The following KANK1 variants were observed in gnomAD, a reference collection of about 807,000 sequenced individuals.
KANK1 encodes the protein KN motif and ankyrin repeat domain-containing protein 1.
KANK1 carries 109 observed loss-of-function variants against 106.2 expected under a neutral mutation model. The observed-to-expected ratio is 1.03, with a 90% confidence interval of 0.88 to 1.20. The LOEUF is 1.20. Ranked by LOEUF, KANK1 falls within the 50% of genes most tolerant of loss-of-function variation. KANK1 has a pLI of 0.00. For synonymous variants in KANK1, 873 were observed against 652.2 expected (o/e 1.34, Z -5.16); for missense variants, 2,399 against 1,710.7 (o/e 1.40, Z -7.10).
chr9:572,284 C>T (rs565651884), intron 1 of KANK1, among the ~76,000 whole-genome samples: 18 of 151,232 alleles, frequency 1.2e-4, no homozygotes, highest in African/African-American at 4.1e-4. Context: ...GCCTCTTGAA[C>T]AGCTAGGACT....
chr9:569,026 T>G (rs1206728262), intron 1 of KANK1, among the ~76,000 whole-genome samples: 1 of 152,126 alleles, frequency 6.6e-6, no homozygotes, highest in East Asian at 1.9e-4. Flanking sequence ...TCTACCCACC[T>G]GTAGAGGTTC....
At chr9:578,006 G>C (rs1206532785) in intron 1 of KANK1, among the ~76,000 whole-genome samples, 1 of 152,038 alleles carries the variant, frequency 6.6e-6, no homozygotes, top group African/African-American at 2.4e-5. Flanking sequence ...CCAGCTAGGA[G>C]GCCTCCTTTC....
chr9:714,684 CT>C (rs1375563072), intron 3 of KANK1, among the ~76,000 whole-genome samples: 5 of 152,090 alleles, frequency 3.3e-5, no homozygotes, highest in African/African-American at 1.2e-4. Flanking sequence ...TTTTGTCTGT[CT>C]TATTCTTTCT....
At chr9:519,543 T>A (rs1398116249) in intron 1 of KANK1, among the ~76,000 whole-genome samples, 1 of 151,920 alleles carries the variant, frequency 6.6e-6, no homozygotes. Context: ...CATCCTCAGA[T>A]CTTGGTAAGA....
intron 1 of KANK1, among the ~76,000 whole-genome samples, chr9:553,618 A>G (rs567474737): frequency 1.6e-4 from 25 of 152,316 alleles, no homozygotes; most frequent in African/African-American, 5.8e-4. Flanking sequence ...AATGTGAGCA[A>G]TGTAATGAAG....
At chr9:581,232 G>A (rs572855980) in intron 1 of KANK1, among the ~76,000 whole-genome samples, 23 of 152,318 alleles carry the variant, frequency 1.5e-4, no homozygotes, top group South Asian at 2.1e-4. Flanking sequence ...ACAGTGCAGC[G>A]GCGGGCTGAA....
intron 1 of KANK1, chr9:547,434 C>T (rs1461453924): frequency 1.4e-5 from 2 of 142,932 alleles, no homozygotes; most frequent in African/African-American, 4.9e-5. Context: ...AGAATGAAAA[C>T]GAGCTTGAGT....
At chr9:579,929 C>A (rs1821595260) in intron 1 of KANK1, among the ~76,000 whole-genome samples, 1 of 152,180 alleles carries the variant, frequency 6.6e-6, no homozygotes, top group East Asian at 1.9e-4. Flanking sequence ...CCCCATGAGG[C>A]TTCATGACTG....
chr9:507,304 A>G (rs916266413), intron 1 of KANK1, among the ~76,000 whole-genome samples: 6 of 152,180 alleles, frequency 3.9e-5, no homozygotes, highest in East Asian at 1.9e-4. Context: ...GCAGTGAACT[A>G]TGATCATGCC....
Position 700,302 on chromosome 9 carries a change from G to A in KANK1, c.38-10502G>A, listed in dbSNP as rs1822333700. 2.6e-5 allele frequency among the ~76,000 whole-genome samples: 4 copies of A among 152,276 alleles called. No homozygotes were observed. The South Asian group carries it at 8.3e-4, about 32-fold the overall frequency. On this transcript the variant is annotated intron_variant, in intron 2 of 11. Coordinates refer to ENST00000382297, the MANE Select transcript of KANK1 (RefSeq NM_015158.5). ...TTTATTGTGTGTTCTCTAACAAATGGTGTTCCTCACACAAATTTGATACAG... is the reference window on the plus strand; with the variant it reads ...TTTATTGTGTGTTCTCTAACAAATGATGTTCCTCACACAAATTTGATACAG...
At chr9:632,981 A>G (rs2136861579) in intron 1 of KANK1, among the ~76,000 whole-genome samples, 1 of 151,388 alleles carries the variant, frequency 6.6e-6, no homozygotes, top group East Asian at 2.0e-4. Flanking sequence ...GGCGTGAGCC[A>G]CTGCTCCCAG....
chr9:599,800 A>G (rs1386146687), intron 1 of KANK1, among the ~76,000 whole-genome samples: 7 of 151,852 alleles, frequency 4.6e-5, no homozygotes, highest in African/African-American at 1.7e-4. Flanking sequence ...ACAGAACTTC[A>G]GTATGTGAGG....
chr9:709,921 T>G (rs1482227145), intron 2 of KANK1, among the ~76,000 whole-genome samples: 1 of 152,148 alleles, frequency 6.6e-6, no homozygotes, highest in Non-Finnish European at 1.5e-5. Flanking sequence ...CAGCCTTTCG[T>G]GTCTTTTATA....
intron 1 of KANK1, among the ~76,000 whole-genome samples, chr9:519,217 A>G (rs761172441): frequency 2.3e-4 from 35 of 151,682 alleles, no homozygotes; most frequent in Non-Finnish European, 4.4e-4. Flanking sequence ...GGCACCTTAT[A>G]ATTGTGTCTT....
chr9:659,588 C>T (rs1842863065), intron 1 of KANK1, among the ~76,000 whole-genome samples: 1 of 152,162 alleles, frequency 6.6e-6, no homozygotes, highest in South Asian at 2.1e-4. Context: ...TTAATCGACT[C>T]ACAGTTCCAC....
chr9:673,450 TCCAC>T (rs1815685343), intron 1 of KANK1: 1 of 152,478 alleles, frequency 6.6e-6, no homozygotes, highest in Non-Finnish European at 1.5e-5. Flanking sequence ...CCTCAAGTGA[TCCAC>T]CCACCTCGGC....
At chr9:514,194 T>TCCTC (rs2059171858) in intron 1 of KANK1, among the ~76,000 whole-genome samples, 1 of 30,390 alleles carries the variant, frequency 3.3e-5, no homozygotes, top group Non-Finnish European at 5.2e-5. Flanking sequence ...CTCCCTCCCT[T>TCCTC]CCTCCCTCCC....
At chr9:690,613 C>G (rs1473408267) in intron 2 of KANK1, among the ~76,000 whole-genome samples, 1 of 152,144 alleles carries the variant, frequency 6.6e-6, no homozygotes, top group African/African-American at 2.4e-5. Context: ...AAAGTAAATT[C>G]AATGGATGTC....
At chr9:516,998 T>TAACACACACACAC (rs1554607972) in intron 1 of KANK1, among the ~76,000 whole-genome samples, 1 of 145,478 alleles carries the variant, frequency 6.9e-6, no homozygotes, top group South Asian at 2.2e-4. Flanking sequence ...CATCACCCTC[T>TAACACACACACAC]ACACACACAC....
Sources: allele counts gnomAD v4.1 joint callset (sites outside exome capture counted in the v4.1 genomes callset), GRCh38; gene constraint gnomAD v4.1.1; transcripts MANE v1.5; gene names NCBI Gene and HGNC (gene_info 2026-07-23, HGNC 2026-07-21).